The following PCCB variants were observed in gnomAD, a reference collection of about 807,000 sequenced individuals.
PCCB encodes propionyl-CoA carboxylase subunit beta.
Under a neutral mutation model 60.7 loss-of-function variants are expected in PCCB, and 43 were observed. The observed-to-expected ratio is 0.71, with a 90% CI of 0.55 to 0.91. The LOEUF is 0.91. Ranked by LOEUF, PCCB falls within the 40% of genes least tolerant of loss-of-function variation. The pLI is 0.00. For synonymous variants in PCCB, 276 were observed against 255.9 expected (o/e 1.08, Z -0.75); for missense variants, 766 against 702.8 (o/e 1.09, Z -1.02).
At chr3:136,309,044 C>G (rs963380651) in intron 9 of PCCB, among the ~76,000 whole-genome samples, 1 of 152,026 alleles carries the variant, frequency 6.6e-6, no homozygotes, top group African/African-American at 2.4e-5. Context: ...AGGTGGATTG[C>G]TTGAGCTCAG....
intron 5 of PCCB, among the ~76,000 whole-genome samples, chr3:136,268,555 C>T (rs1942100365): frequency 6.6e-6 from 1 of 151,688 alleles, no homozygotes; most frequent in Non-Finnish European, 1.5e-5. Context: ...CCTCCACCTC[C>T]TGGGTTCAAG....
intron 13 of PCCB, 106 bp downstream of exon 13, chr3:136,327,838 T>C (rs1421518448): frequency 3.3e-6 from 3 of 901,602 alleles, no homozygotes; most frequent in Non-Finnish European, 3.6e-6. Flanking sequence ...GGCCCCTAGG[T>C]TGAGCCAGGA....
Position 136,317,075 on chromosome 3 carries a change from G to C in PCCB, c.1090+11G>C. On this transcript the variant is annotated intron_variant, in intron 10 of 14. Coordinates refer to ENST00000251654, the MANE Select transcript of PCCB (RefSeq NM_000532.5). ...CTAAGGTGGCCTCAGGTAGGATGGA[G>C]CTCTTATAAGCCTTGGTTTTGGGGT... 1 of 1,614,068 alleles carries C rather than the reference G, an allele frequency of 6.2e-7. No homozygotes were observed. Among genetic ancestry groups the C allele is most frequent in the Non-Finnish European group, 8.5e-7 (1 of 1,180,002 alleles).
At chr3:136,272,248 G>A (rs1420561068) in intron 5 of PCCB, among the ~76,000 whole-genome samples, 1 of 151,966 alleles carries the variant, frequency 6.6e-6, no homozygotes, top group Admixed American at 6.6e-5. Flanking sequence ...GATGTGCTGT[G>A]GGATTTGGTT....
At chr3:136,327,043 G>T in intron 11 of PCCB, 112 bp from the exon 12 acceptor site, 1 of 1,157,362 alleles carries the variant, frequency 8.6e-7, no homozygotes. Context: ...CCAGAAGATA[G>T]GGCTGTGTAA....
chr3:136,321,967 C>T (rs1012948712), intron 10 of PCCB, among the ~76,000 whole-genome samples: 18 of 152,234 alleles, frequency 1.2e-4, no homozygotes, highest in Admixed American at 2.6e-4. Flanking sequence ...AATGTGTATA[C>T]GTTTTATTTT....
chr3:136,311,247 C>T (rs914854623), intron 9 of PCCB, among the ~76,000 whole-genome samples: 5 of 152,088 alleles, frequency 3.3e-5, no homozygotes, highest in African/African-American at 9.7e-5. Flanking sequence ...TCTTCATATA[C>T]GCAAGCAGTA....
At position 136,250,474 on chromosome 3, in the gene PCCB, C is replaced by G. The variant is rs1941480501; in HGVS notation, c.99C>G (p.Thr33=). 2.5e-6 allele frequency: 4 copies of G among 1,611,892 alleles called. No homozygotes were observed. Among genetic ancestry groups the G allele is most frequent in the Non-Finnish European group, 3.4e-6 (4 of 1,179,308 alleles). Residue 33 remains threonine, a synonymous_variant, in exon 1 of 15, where the codon ACC becomes ACG. Transcript: ENST00000251654. ...TCCGCAGCCTTTGCAGCCAGGCCAC[C>G]TCTGTTAACGAACGCATCGAAAACA... ...AAVRSLCSQA[T]SVNERIENKR...
chr3:136,256,670 C>T (rs1941678829), intron 3 of PCCB, 47 bp downstream of exon 3: 1 of 1,315,144 alleles, frequency 7.6e-7, no homozygotes, highest in African/African-American at 1.4e-5. Context: ...AGGGCAGAGC[C>T]AAGAGGAAAA....
intron 1 of PCCB, among the ~76,000 whole-genome samples, chr3:136,252,947 A>C (rs1056561119): frequency 6.7e-6 from 1 of 148,474 alleles, no homozygotes; most frequent in African/African-American, 2.5e-5. Flanking sequence ...AGCTTTGGCT[A>C]CTTTCCTAAG....
chr3:136,273,791 A>C (rs1208228014), intron 5 of PCCB, among the ~76,000 whole-genome samples: 2 of 149,742 alleles, frequency 1.3e-5, no homozygotes, highest in African/African-American at 4.9e-5. Context: ...GGGTGCCTGT[A>C]GTCCCAGCTA....
intron 3 of PCCB, among the ~76,000 whole-genome samples, chr3:136,256,826 C>T (rs764991329): frequency 1.3e-5 from 2 of 152,140 alleles, no homozygotes; most frequent in Non-Finnish European, 2.9e-5. Context: ...TGGGGGGGAT[C>T]ACAGGGCACT....
chr3:136,325,292 G>GGGAC lies in PCCB; in HGVS notation c.1091-1510_1091-1507dup, dbSNP rs1490170301. On this transcript the variant is annotated intron_variant, in intron 10 of 14. Transcript: ENST00000251654. ...CTCCACTTTGGCCTCCTGAGTAGCT[G>GGGAC]GGACTACATTGTCTTTTTATTGTTG... is the stretch of plus-strand genomic sequence containing the variant. Among the ~76,000 whole-genome samples, 10 of 152,168 alleles carry GGGAC rather than the reference G, an allele frequency of 6.6e-5. No homozygotes were observed. In the East Asian group the frequency reaches 1.9e-3, roughly 29 times the overall value.
chr3:136,264,011 C>CA (rs3884120), intron 5 of PCCB, among the ~76,000 whole-genome samples: 1,391 of 107,354 alleles, frequency 0.013, 10 homozygotes, highest in Middle Eastern at 0.071. Flanking sequence ...GACTCTGTCT[C>CA]AAAAAAAAAA....
intron 1 of PCCB, among the ~76,000 whole-genome samples, chr3:136,254,518 CTTTTTTTTTTTTTTTTT>C (rs3994953): frequency 4.4e-5 from 2 of 45,928 alleles, no homozygotes; most frequent in Admixed American, 7.5e-4. Context: ...CTGCGGCTAG[CTTTTTTTTTTTTTTTTT>C]TTTTTTTTTT....
At chr3:136,309,487 T>C (rs1024471291) in intron 9 of PCCB, among the ~76,000 whole-genome samples, 30 of 151,656 alleles carry the variant, frequency 2.0e-4, no homozygotes, top group Admixed American at 1.7e-3. Flanking sequence ...GAATAACCAT[T>C]GAAAAAGAAG....
In PCCB at chr3:136,316,999, T is replaced by C. The variant is rs1448175399; in HGVS notation, c.1025T>C (p.Val342Ala). Reference protein sequence around the residue: ...IMPNYAKNIIVGFARMNGRTV... With the variant: ...IMPNYAKNIIAGFARMNGRTV... ...CCCAATTATGCCAAGAACATCATTG[T>C]TGGTTTTGCAAGAATGAATGGGAGG... The change falls in exon 10 of 15, where the codon GTT (valine) becomes GCT (alanine). Residue 342 changes from valine (V) to alanine (A), a missense_variant. Transcript: ENST00000251654. The C allele has an allele frequency of 1.2e-6, 2 of 1,614,054 alleles. No individual in the cohort carries two copies. The highest frequency in any genetic ancestry group is 1.7e-6 in the Non-Finnish European group (2 of 1,179,978).
chr3:136,270,630 C>A (rs190040613), intron 5 of PCCB, among the ~76,000 whole-genome samples: 1 of 152,104 alleles, frequency 6.6e-6, no homozygotes, highest in East Asian at 1.9e-4. Context: ...CTCAGCCTCC[C>A]GAGTAGCTGG....
intron 13 of PCCB, 88 bp from the exon 14 acceptor site, chr3:136,328,670 T>C: frequency 9.4e-7 from 1 of 1,059,444 alleles, no homozygotes; most frequent in South Asian, 1.3e-5. Flanking sequence ...TACCAAGAAA[T>C]TTGCACCCAC....
Sources: allele counts gnomAD v4.1 joint callset (sites outside exome capture counted in the v4.1 genomes callset), GRCh38; gene constraint gnomAD v4.1.1; transcripts MANE v1.5; gene names NCBI Gene and HGNC (gene_info 2026-07-23, HGNC 2026-07-21).